Variants in HS3ST5 observed in about 807,000 individuals in gnomAD.
The protein encoded by HS3ST5 is heparan sulfate-glucosamine 3-sulfotransferase 5.
HS3ST5 carries 10 observed loss-of-function variants against 25.4 expected under a neutral mutation model. The ratio of observed to expected loss-of-function variants is 0.39; its 90% confidence interval spans 0.24 to 0.67. HS3ST5 has a LOEUF of 0.67. Among genes scored for constraint, HS3ST5 ranks in the 30% least tolerant of loss-of-function variants. The probability of loss-of-function intolerance (pLI) is 0.44; values close to 1 mark genes in which losing one functional copy is unlikely to be tolerated. For missense variants in HS3ST5, 324 were observed against 420.7 expected, an observed-to-expected ratio of 0.77 and a Z score of 2.01; for synonymous variants, 170 against 162.4, an observed-to-expected ratio of 1.05 and a Z score of -0.36.
chr6:114,341,653 T>TG (rs200664004), intron 1 of HS3ST5, among the ~76,000 whole-genome samples: 5,579 of 143,784 alleles, frequency 0.039, 363 homozygotes, highest in African/African-American at 0.13. Context: ...GTGAGGGGTG[T>TG]GGGGGGGGCC....
At chr6:114,278,194 T>C (rs1773950380) in intron 1 of HS3ST5, among the ~76,000 whole-genome samples, 1 of 152,020 alleles carries the variant, frequency 6.6e-6, no homozygotes, top group Non-Finnish European at 1.5e-5. Flanking sequence ...GCGATTTATA[T>C]AGCTCCATAA....
At chr6:114,335,048 A>G (rs1776553020) in intron 1 of HS3ST5, among the ~76,000 whole-genome samples, 1 of 152,154 alleles carries the variant, frequency 6.6e-6, no homozygotes, top group Non-Finnish European at 1.5e-5. Flanking sequence ...AAATCCACAG[A>G]AAATACTTGG....
At chr6:114,277,311 T>A (rs1236218062) in intron 1 of HS3ST5, among the ~76,000 whole-genome samples, 1 of 151,452 alleles carries the variant, frequency 6.6e-6, no homozygotes, top group African/African-American at 2.4e-5. Context: ...TGTCTGCCCA[T>A]GGTGGATAAG....
At chr6:114,272,772 G>A (rs1773688972) in intron 1 of HS3ST5, among the ~76,000 whole-genome samples, 1 of 152,114 alleles carries the variant, frequency 6.6e-6, no homozygotes, top group Non-Finnish European at 1.5e-5. Context: ...GATCAATGAG[G>A]TGAAGGAACA....
intron 3 of HS3ST5, among the ~76,000 whole-genome samples, chr6:114,105,894 A>G (rs78162954): frequency 0.058 from 8,903 of 152,232 alleles, 320 homozygotes; most frequent in Non-Finnish European, 0.081. Context: ...ATTGCATATG[A>G]TACAAGTTTA....
intron 1 of HS3ST5, among the ~76,000 whole-genome samples, chr6:114,229,000 AT>A (rs1006287098): frequency 4.0e-4 from 61 of 152,034 alleles, no homozygotes; most frequent in African/African-American, 1.4e-3. Context: ...TTAATTGACT[AT>A]TTTTTTCTAC....
At chr6:114,183,609 T>A (rs1780067809) in intron 2 of HS3ST5, among the ~76,000 whole-genome samples, 1 of 152,128 alleles carries the variant, frequency 6.6e-6, no homozygotes, top group Admixed American at 6.5e-5. Flanking sequence ...AGAAGTGAAG[T>A]GCTATTGTAA....
At chr6:114,172,427 T>C (rs536246237) in intron 2 of HS3ST5, among the ~76,000 whole-genome samples, 1 of 152,342 alleles carries the variant, frequency 6.6e-6, no homozygotes, top group South Asian at 2.1e-4. Flanking sequence ...AGTTTAACAT[T>C]TCAACTATCA....
At chr6:114,277,543 T>A (rs1309540972) in intron 1 of HS3ST5, among the ~76,000 whole-genome samples, 2 of 151,824 alleles carry the variant, frequency 1.3e-5, no homozygotes, top group African/African-American at 2.4e-5. Flanking sequence ...TTTGTATAAA[T>A]GCAAATATTA....
intron 1 of HS3ST5, among the ~76,000 whole-genome samples, chr6:114,335,932 G>A (rs1043675846): frequency 1.3e-4 from 19 of 151,914 alleles, no homozygotes; most frequent in East Asian, 1.2e-3. Context: ...GATTACAGGC[G>A]TGAGCCACCG....
chr6:114,278,830 G>A (rs1773980821), intron 1 of HS3ST5, among the ~76,000 whole-genome samples: 1 of 150,928 alleles, frequency 6.6e-6, no homozygotes, highest in South Asian at 2.1e-4. Context: ...GATTCCTTTC[G>A]AAAACCAGAT....
intron 1 of HS3ST5, among the ~76,000 whole-genome samples, chr6:114,319,390 T>C (rs1029058010): frequency 3.9e-5 from 6 of 152,174 alleles, no homozygotes; most frequent in African/African-American, 9.7e-5. Context: ...TTGACTCTTA[T>C]ATAGTACAGC....
intron 3 of HS3ST5, among the ~76,000 whole-genome samples, chr6:114,126,862 C>T (rs1475395039): frequency 3.3e-5 from 5 of 152,158 alleles, no homozygotes; most frequent in Admixed American, 6.5e-5. Context: ...GCACAGGAAG[C>T]CATGAGCAGT....
chr6:114,075,354 G>C (rs1256817133), intron 3 of HS3ST5, among the ~76,000 whole-genome samples: 1 of 152,176 alleles, frequency 6.6e-6, no homozygotes, highest in African/African-American at 2.4e-5. Flanking sequence ...ACCTTGAAGA[G>C]TCCTTGCCTC....
rs1187382245 is a variant in HS3ST5 at position 114,233,876 on chromosome 6, G to T, written c.-338-5098C>A. 2.6e-5 allele frequency among the ~76,000 whole-genome samples: 4 copies of T among 152,152 alleles called. No homozygotes were observed. The East Asian group carries it at 5.8e-4, about 22-fold the overall frequency. On this transcript the variant is annotated intron_variant, in intron 1 of 4. Transcript: ENST00000312719. ...TATATACTAATATCATTCCAAATAA[G>T]AGAAATATTTCCCAGAGTAGCCTAA... is the stretch of plus-strand genomic sequence containing the variant.
At chr6:114,289,493 G>A (rs1317177975) in intron 1 of HS3ST5, among the ~76,000 whole-genome samples, 1 of 152,096 alleles carries the variant, frequency 6.6e-6, no homozygotes, top group Non-Finnish European at 1.5e-5. Context: ...CAGTGAGCAA[G>A]CATTTATAGA....
chr6:114,269,067 A>G (rs1237311797), intron 1 of HS3ST5, among the ~76,000 whole-genome samples: 1 of 152,210 alleles, frequency 6.6e-6, no homozygotes. Context: ...GTTGCTTTCT[A>G]AAACCTCACC....
At chr6:114,324,212 A>C (rs967604157) in intron 1 of HS3ST5, among the ~76,000 whole-genome samples, 1 of 152,218 alleles carries the variant, frequency 6.6e-6, no homozygotes, top group African/African-American at 2.4e-5. Flanking sequence ...CACCCAATTT[A>C]GTGACTGGAT....
At chr6:114,223,089 AT>A (rs955512422) in intron 2 of HS3ST5, among the ~76,000 whole-genome samples, 19 of 149,046 alleles carry the variant, frequency 1.3e-4, no homozygotes, top group Non-Finnish European at 2.1e-4. Context: ...GTTCGATTTA[AT>A]TTTTTTTTTG....
Sources: gnomAD v4.1 joint callset for allele counts (sites outside exome capture counted in the v4.1 genomes callset) on GRCh38, gnomAD v4.1.1 for gene constraint, MANE v1.5 for transcripts, NCBI Gene and HGNC (gene_info 2026-07-23, HGNC 2026-07-21) for gene names.